Variants in DACH2 observed in about 807,000 individuals in gnomAD.
The protein encoded by DACH2 is dachshund homolog 2.
In DACH2, 17 loss-of-function variants were observed where a neutral mutation model predicts 35.8. The observed-to-expected ratio is 0.48, with a 90% CI of 0.33 to 0.71. DACH2 has a LOEUF of 0.71. DACH2 is among the 30% of genes least tolerant of loss of function. The probability of loss-of-function intolerance (pLI) is 0.02; values close to 1 mark genes in which losing one functional copy is unlikely to be tolerated. For synonymous variants in DACH2, 195 were observed against 177.3 expected (o/e 1.10, Z -0.79); for missense variants, 469 against 472.7 (o/e 0.99, Z 0.07).
intron 3 of DACH2, among the ~76,000 whole-genome samples, chrX:86,593,395 ATTTTT>A (rs1161534230): frequency 1.2e-5 from 1 of 83,128 alleles, no homozygotes; most frequent in African/African-American, 6.6e-5. Context: ...TCATATATAT[ATTTTT>A]TTATTTTATT....
chrX:86,329,868 A>T (rs1046985432), intron 1 of DACH2, among the ~76,000 whole-genome samples: 3 of 111,764 alleles, frequency 2.7e-5, no homozygotes, highest in Non-Finnish European at 5.7e-5. Context: ...TTTGGAAGAT[A>T]TTTATAGTGT....
At chrX:86,254,801 TATATATAGAG>T (rs1161001485) in intron 1 of DACH2, among the ~76,000 whole-genome samples, 7 of 67,416 alleles carry the variant, frequency 1.0e-4, no homozygotes, top group African/African-American at 4.8e-4. Context: ...TATATATATA[TATATATAGAG>T]AGAGAGAGAG....
At chrX:86,436,354 G>A (rs2148177386) in intron 2 of DACH2, among the ~76,000 whole-genome samples, 2 of 78,716 alleles carry the variant, frequency 2.5e-5, no homozygotes, top group East Asian at 9.0e-4. Context: ...TCTACCTAAG[G>A]TGGTGATATA....
At chrX:86,677,235 A>T (rs2040834286) in intron 4 of DACH2, among the ~76,000 whole-genome samples, 1 of 112,121 alleles carries the variant, frequency 8.9e-6, no homozygotes, top group Non-Finnish European at 1.9e-5. Flanking sequence ...AACAAGCTTA[A>T]TATAAATATG....
At chrX:86,703,357 G>C (rs947093959) in intron 5 of DACH2, among the ~76,000 whole-genome samples, 3 of 111,211 alleles carry the variant, frequency 2.7e-5, no homozygotes, top group African/African-American at 9.8e-5. Context: ...ATAAGAACTG[G>C]AACGAGAGAA....
intron 7 of DACH2, among the ~76,000 whole-genome samples, chrX:86,784,694 G>T (rs12558274): frequency 9.1e-6 from 1 of 110,412 alleles, no homozygotes; most frequent in Non-Finnish European, 1.9e-5. Flanking sequence ...TTCCTTGCAG[G>T]ACTTTCACAA....
At chrX:86,397,404 C>G (rs1325275602) in intron 2 of DACH2, among the ~76,000 whole-genome samples, 1 of 111,397 alleles carries the variant, frequency 9.0e-6, no homozygotes, top group Non-Finnish European at 1.9e-5. Context: ...CCTAATTGCC[C>G]TGGCCAGAAC....
chrX:86,394,335 T>C (rs2036249186), intron 2 of DACH2, among the ~76,000 whole-genome samples: 2 of 111,361 alleles, frequency 1.8e-5, no homozygotes, highest in South Asian at 3.7e-4. Context: ...AGAGGTATTA[T>C]AGTTGACTCA....
intron 2 of DACH2, among the ~76,000 whole-genome samples, chrX:86,384,711 T>A (rs2036097291): frequency 8.9e-6 from 1 of 111,927 alleles, no homozygotes; most frequent in African/African-American, 3.2e-5. Flanking sequence ...AATGTGAAGT[T>A]GTTTTAAAAT....
intron 4 of DACH2, among the ~76,000 whole-genome samples, chrX:86,660,916 C>T (rs980901200): frequency 2.2e-4 from 25 of 111,279 alleles, no homozygotes; most frequent in African/African-American, 7.5e-4. Flanking sequence ...ATGGATTCTA[C>T]TTTACACTGG....
rs779062729 is a variant in DACH2 at position 86,830,085 on chromosome X, A to C, written c.1751-2021A>C. On this transcript the variant is annotated intron_variant, in intron 11 of 11. Coordinates refer to ENST00000373125, the MANE Select transcript of DACH2 (RefSeq NM_053281.3). ...GGGTCTGGATTAAAATTCAGCTACT[A>C]CTCCTCTCTGTTTATGGTTCCAGAT... 4.5e-5 allele frequency: 5 copies of C among 110,850 alleles called. No individual in the cohort carries two copies. In the East Asian group the frequency reaches 8.5e-4, roughly 19 times the overall value. The allele number at this position is 110,850 out of a possible 1,213,427, so 9.1% of individuals were successfully genotyped here.
intron 3 of DACH2, among the ~76,000 whole-genome samples, chrX:86,534,021 G>A (rs955845616): frequency 3.6e-5 from 4 of 112,087 alleles, no homozygotes; most frequent in Non-Finnish European, 5.6e-5. Flanking sequence ...TCAGAAAATT[G>A]GACTGATAAC....
At chrX:86,481,836 G>T (rs984036255) in intron 2 of DACH2, 2 of 111,837 alleles carry the variant, frequency 1.8e-5, no homozygotes, top group African/African-American at 6.5e-5. Flanking sequence ...ATTCTTACAA[G>T]GCAAAGTTCC....
At chrX:86,792,113 C>T (rs1301948460) in intron 7 of DACH2, among the ~76,000 whole-genome samples, 1 of 111,363 alleles carries the variant, frequency 9.0e-6, no homozygotes, top group Admixed American at 9.6e-5. Context: ...CTTGTTTAGG[C>T]TTCAATATTT....
At chrX:86,336,160 A>G in intron 1 of DACH2, among the ~76,000 whole-genome samples, 1 of 112,007 alleles carries the variant, frequency 8.9e-6, no homozygotes, top group Non-Finnish European at 1.9e-5. Flanking sequence ...CCAGTATTTT[A>G]TTGAGGATTT....
intron 1 of DACH2, among the ~76,000 whole-genome samples, chrX:86,207,474 G>T (rs1001568204): frequency 4.2e-4 from 46 of 110,304 alleles, no homozygotes; most frequent in Non-Finnish European, 9.5e-5. Flanking sequence ...CATTTATCTT[G>T]GTGTGATTAT....
At chrX:86,765,698 G>GTTTTTTT (rs60709865) in intron 7 of DACH2, among the ~76,000 whole-genome samples, 127 of 24,612 alleles carry the variant, frequency 5.2e-3, no homozygotes, top group Non-Finnish European at 6.1e-3. Context: ...TTGTTTTTTG[G>GTTTTTTT]TTTTTTTTTT....
chrX:86,705,063 A>ATATATCTCACATATATATATATATATC (rs59432076), intron 5 of DACH2, among the ~76,000 whole-genome samples: 2 of 104,658 alleles, frequency 1.9e-5, no homozygotes, highest in African/African-American at 7.1e-5. Flanking sequence ...ATATATATAT[A>ATATATCTCACATATATATATATATATC]TATCTCACAT....
At position 86,651,074 on chromosome X, in the gene DACH2, C is replaced by G; in HGVS notation, c.679C>G (p.Gln227Glu). 1 of 1,207,846 alleles carries G rather than the reference C, an allele frequency of 8.3e-7. No homozygotes were observed. Among genetic ancestry groups the G allele is most frequent in the Non-Finnish European group, 1.1e-6 (1 of 893,497 alleles). ...AGCGATGGCTGAGGCGATGAAACTTCAGAAGATGAAGCTTATGGCTATGAA... is the reference window on the plus strand; with the variant it reads ...AGCGATGGCTGAGGCGATGAAACTTGAGAAGATGAAGCTTATGGCTATGAA... The part of the protein sequence containing the change: ...AAAMAEAMKL[Q>E]KMKLMAMNTL... The change falls in exon 4 of 12, where the codon CAG becomes GAG. Residue 227 changes from glutamine to glutamate, a missense_variant. Coordinates refer to ENST00000373125, the MANE Select transcript of DACH2 (RefSeq NM_053281.3).
Sources: gnomAD v4.1 joint callset for allele counts (sites outside exome capture counted in the v4.1 genomes callset) on GRCh38, gnomAD v4.1.1 for gene constraint, MANE v1.5 for transcripts, NCBI Gene and HGNC (gene_info 2026-07-23, HGNC 2026-07-21) for gene names.